BRIP1: variants seen among roughly 807,000 people sequenced by gnomAD.
BRIP1 encodes the protein BRCA1 interacting DNA helicase 1.
A neutral mutation model predicts 119.7 loss-of-function variants in BRIP1; 88 were observed. The observed-to-expected ratio is 0.74, with a 90% CI of 0.62 to 0.88. The LOEUF (loss-of-function observed/expected upper bound fraction) is 0.88. BRIP1 is among the 40% of genes least tolerant of loss of function. The pLI is 0.00. For missense variants in BRIP1, 1,259 were observed against 1,455.4 expected, an observed-to-expected ratio of 0.87 and a Z score of 2.20; for synonymous variants, 443 against 496.5, an observed-to-expected ratio of 0.89 and a Z score of 1.43.
Position 61,724,434 on chromosome 17 carries a change from T to C in BRIP1, c.2380-8371A>G, listed in dbSNP as rs1300080019. On this transcript the variant is annotated intron_variant, in intron 16 of 19. Transcript: ENST00000259008. This position sits in a 1 kb window ranked among gnomAD's most constrained non-coding sequence, Gnocchi z 5.1. ...TTATACTGCATATGTCAACGAGAAA[T>C]TAAGGTCACAATTATTAACATTAGA... Among the ~76,000 whole-genome samples the C allele has an allele frequency of 6.6e-6, 1 of 152,142 alleles. No homozygotes were observed. The highest frequency in any genetic ancestry group is 6.6e-5 in the Admixed American group (1 of 15,266).
rs2076841680 is a variant in BRIP1 at position 61,731,431 on chromosome 17, A to T, written c.2379+11582T>A. Among the ~76,000 whole-genome samples the T allele has an allele frequency of 2.0e-5, 3 of 152,162 alleles. No homozygotes were observed. In the South Asian group the frequency reaches 6.2e-4, roughly 32 times the overall value. The stretch of plus-strand genomic sequence containing the variant: ...GTATTCCTGGATCTGGTTTCCCATA[A>T]CTTAGAATGTCCCAAATCCTGAAAA... On this transcript the variant is annotated intron_variant, in intron 16 of 19. Coordinates refer to ENST00000259008, the MANE Select transcript of BRIP1 (RefSeq NM_032043.3).
intron 13 of BRIP1, among the ~76,000 whole-genome samples, chr17:61,779,813 C>T (rs970974956): frequency 6.6e-6 from 1 of 151,910 alleles, no homozygotes; most frequent in Admixed American, 6.6e-5. Flanking sequence ...AAAAATTAGC[C>T]AGGCGTGCGG....
chr17:61,772,840 A>AAAC (rs2077478447), intron 14 of BRIP1, among the ~76,000 whole-genome samples: 1 of 151,340 alleles, frequency 6.6e-6, no homozygotes, highest in Non-Finnish European at 1.5e-5. Context: ...AAAAAAAAAA[A>AAAC]AAACCTAAAT....
rs960717063 is a variant in BRIP1, at chr17:61,851,207, G to A, written c.380-1951C>T. ...CGCACCACTGCACTCCAGCCTAGGT[G>A]ACAGAACGAGACTCCATCTCAAAAA... On this transcript the variant is annotated intron_variant, in intron 4 of 19. Coordinates refer to ENST00000259008, the MANE Select transcript of BRIP1 (RefSeq NM_032043.3). The surrounding 1 kb of genome is among the most constrained non-coding windows in gnomAD (Gnocchi z 4.6). 6.6e-6 allele frequency among the ~76,000 whole-genome samples: 1 copy of A among 151,936 alleles called. No individual in the cohort carries two copies. The highest frequency in any genetic ancestry group is 1.5e-5 in the Non-Finnish European group (1 of 68,010).
chr17:61,765,510 A>G (rs961780939), intron 14 of BRIP1, among the ~76,000 whole-genome samples: 18 of 127,762 alleles, frequency 1.4e-4, no homozygotes, highest in Admixed American at 5.2e-4. Flanking sequence ...ATCTTGGCTC[A>G]CTGCAACCTC....
At chr17:61,811,180 T>A (rs1163320438) in intron 6 of BRIP1, among the ~76,000 whole-genome samples, 1 of 152,192 alleles carries the variant, frequency 6.6e-6, no homozygotes, top group African/African-American at 2.4e-5. Context: ...TCTATGAACT[T>A]AAGTAGACTC....
Position 61,823,137 on chromosome 17 carries a change from C to G in BRIP1, c.628-14380G>C, listed in dbSNP as rs2078351112. 6.6e-6 allele frequency among the ~76,000 whole-genome samples: 1 copy of G among 152,182 alleles called. No individual in the cohort carries two copies. The highest frequency in any genetic ancestry group is 2.1e-4 in the South Asian group (1 of 4,832). ...AATATCAATTATCTTCTGAATGAAA[C>G]GTTAACCTTGCACAAGTAATGCAAC... On this transcript the variant is annotated intron_variant, in intron 6 of 19. Transcript: ENST00000259008. The surrounding 1 kb of genome is among the most constrained non-coding windows in gnomAD (Gnocchi z 4.8).
At chr17:61,790,202 C>T (rs1257600893) in intron 10 of BRIP1, among the ~76,000 whole-genome samples, 2 of 152,110 alleles carry the variant, frequency 1.3e-5, no homozygotes, top group Non-Finnish European at 2.9e-5. Flanking sequence ...TAGATTTATA[C>T]AGTTTATACC....
intron 19 of BRIP1, chr17:61,685,497 A>G (rs1297416665): frequency 2.9e-6 from 1 of 347,508 alleles, no homozygotes; most frequent in East Asian, 5.1e-5. Context: ...CAATGCTGTG[A>G]TATTTATAAT....
chr17:61,716,383 G>C (rs746565703), intron 16 of BRIP1, among the ~76,000 whole-genome samples: 2 of 151,898 alleles, frequency 1.3e-5, no homozygotes, highest in Admixed American at 6.6e-5. Flanking sequence ...TCATAATATA[G>C]AACATTTTCA....
rs1449697184 is a variant in BRIP1 at position 61,836,098 on chromosome 17, T to C, written c.627+11003A>G. ...ATAATGTTAAAGGTTTTTCAAAAAATGTTATTACTCTTTTTTTTTTTTTTT... is the reference window on the plus strand; with the variant it reads ...ATAATGTTAAAGGTTTTTCAAAAAACGTTATTACTCTTTTTTTTTTTTTTT... On this transcript the variant is annotated intron_variant, in intron 6 of 19. Transcript: ENST00000259008. Among the ~76,000 whole-genome samples the C allele has an allele frequency of 7.1e-5, 10 of 140,350 alleles. 1 individual carries two copies. In the East Asian group the frequency reaches 2.1e-3, roughly 30 times the overall value. 92.1% of individuals were successfully genotyped at this position (140,350 alleles called of 152,430 possible). A position where few individuals can be genotyped will look rare whatever the true frequency, so the allele number is the denominator to read the frequency against.
At chr17:61,785,109 A>C (rs989691428) in intron 10 of BRIP1, among the ~76,000 whole-genome samples, 1 of 152,202 alleles carries the variant, frequency 6.6e-6, no homozygotes, top group Non-Finnish European at 1.5e-5. Flanking sequence ...GAATTAAATA[A>C]AAATGTAGCA....
rs587782539 is a variant in BRIP1, at chr17:61,686,166, C to T, written c.2576-1G>A. ...TGCTGCCGTACCCATTTAGAAAGTC[C>T]TAAAGAAAAAGGTAAACCCAGGGAA... is the stretch of plus-strand genomic sequence containing the variant. On this transcript the variant is annotated splice_acceptor_variant, in intron 18 of 19. Transcript: ENST00000259008. LOFTEE classifies it high-confidence loss of function. The surrounding 1 kb of genome is among the most constrained non-coding windows in gnomAD (Gnocchi z 5.4). 12 of 1,613,834 alleles carry T rather than the reference C, an allele frequency of 7.4e-6. No homozygotes were observed. Among genetic ancestry groups the T allele is most frequent in the Non-Finnish European group, 1.0e-5 (12 of 1,179,860 alleles).
intron 16 of BRIP1, among the ~76,000 whole-genome samples, chr17:61,718,546 C>T (rs531668378): frequency 6.6e-6 from 1 of 152,312 alleles, no homozygotes; most frequent in South Asian, 2.1e-4. Context: ...GACGCCTATG[C>T]AGATACCTGG....
intron 19 of BRIP1, 121 bp downstream of exon 19, chr17:61,685,715 T>A (rs1271115787): frequency 1.1e-6 from 1 of 914,208 alleles, no homozygotes; most frequent in Non-Finnish European, 1.7e-6. Flanking sequence ...TATTTTATGA[T>A]AACACCTTAT....
At position 61,745,055 on chromosome 17, in the gene BRIP1, T is replaced by C. The variant is rs2077042042; in HGVS notation, c.2098-464A>G. 1.3e-5 allele frequency among the ~76,000 whole-genome samples: 2 copies of C among 152,180 alleles called. No individual in the cohort carries two copies. Among genetic ancestry groups the C allele is most frequent in the South Asian group, 2.1e-4 (1 of 4,828 alleles). On this transcript the variant is annotated intron_variant, in intron 14 of 19. Transcript: ENST00000259008. This position sits in a 1 kb window ranked among gnomAD's most constrained non-coding sequence, Gnocchi z 4.4. ...GAAGTTTCTTAATATTCTTAAATAG[T>C]CTTCAAATGAAGATGATTTAAGATC...
rs60482650 is a variant in BRIP1 at position 61,859,453 on chromosome 17, T to G, written c.205+343A>C. Among the ~76,000 whole-genome samples the G allele has an allele frequency of 3.8e-3, 579 of 152,268 alleles. 5 individuals carry two copies. Among genetic ancestry groups the G allele is most frequent in the African/African-American group, 0.013 (537 of 41,550 alleles). On this transcript the variant is annotated intron_variant, in intron 3 of 19. Transcript: ENST00000259008. ...CTCAAGCGATCCTACCACCTCAGTC[T>G]CCCAAGTAGCTGGGACTACAAGTGT... is the stretch of plus-strand genomic sequence containing the variant.
At position 61,756,663 on chromosome 17, in the gene BRIP1, T is replaced by A. The variant is rs1398841913; in HGVS notation, c.2098-12072A>T. On this transcript the variant is annotated intron_variant, in intron 14 of 19. Coordinates refer to ENST00000259008, the MANE Select transcript of BRIP1 (RefSeq NM_032043.3). The surrounding 1 kb of genome is among the most constrained non-coding windows in gnomAD (Gnocchi z 4.3). ...TCGCTAGGGAGGGAATAAGTTAGAATGCAACCTAGTGGGGAAATCCTGCAT... is the reference window on the plus strand; with the variant it reads ...TCGCTAGGGAGGGAATAAGTTAGAAAGCAACCTAGTGGGGAAATCCTGCAT... Among the ~76,000 whole-genome samples, 3 of 152,226 alleles carry A rather than the reference T, an allele frequency of 2.0e-5. No homozygotes were observed. Among genetic ancestry groups the A allele is most frequent in the Admixed American group, 2.0e-4 (3 of 15,284 alleles).
In BRIP1 at chr17:61,742,104, T is replaced by G. The variant is rs1412431423; in HGVS notation, c.2379+909A>C. Among the ~76,000 whole-genome samples the G allele has an allele frequency of 6.6e-6, 1 of 152,240 alleles. No homozygotes were observed. The highest frequency in any genetic ancestry group is 1.9e-4 in the East Asian group (1 of 5,202). On this transcript the variant is annotated intron_variant, in intron 16 of 19. Coordinates refer to ENST00000259008, the MANE Select transcript of BRIP1 (RefSeq NM_032043.3). This position sits in a 1 kb window ranked among gnomAD's most constrained non-coding sequence, Gnocchi z 4.7. ...TCCATCAGCACCTGCTGCATTAACT[T>G]GCACTTTTAAGTTATGGAGATAGCT... is the stretch of plus-strand genomic sequence containing the variant.
Sources: allele counts gnomAD v4.1 joint callset (sites outside exome capture counted in the v4.1 genomes callset), GRCh38; gene constraint gnomAD v4.1.1; non-coding constraint Gnocchi (gnomAD v3.1); transcripts MANE v1.5; gene names NCBI Gene and HGNC (gene_info 2026-07-23, HGNC 2026-07-21).